Variants in APBB2 observed in about 807,000 individuals in gnomAD.
APBB2 encodes Fe65-like 1.
APBB2 carries 38 observed loss-of-function variants against 82.5 expected under a neutral mutation model. That is an observed-to-expected ratio of 0.46 (90% CI 0.36 to 0.60). The LOEUF is 0.60. Among genes scored for constraint, APBB2 ranks in the 20% least tolerant of loss-of-function variants. The pLI, the probability that APBB2 is intolerant of heterozygous loss-of-function variation, is 0.00. For synonymous variants in APBB2, 341 were observed against 368.2 expected (o/e 0.93, Z 0.85); for missense variants, 772 against 972.3 (o/e 0.79, Z 2.74).
intron 6 of APBB2, among the ~76,000 whole-genome samples, chr4:40,961,844 A>AAAATGCAGAC (rs1322217420): frequency 3.3e-5 from 5 of 152,180 alleles, no homozygotes; most frequent in Non-Finnish European, 7.3e-5. Context: ...AGTATTGTCA[A>AAAATGCAGAC]AAATGCAGAC....
intron 12 of APBB2, chr4:40,848,956 A>G: frequency 4.1e-6 from 4 of 975,592 alleles, no homozygotes; most frequent in Non-Finnish European, 4.9e-6. Context: ...AGTAAAGCTC[A>G]TGCGAGCAAG....
In APBB2 at chr4:40,890,296, T is replaced by C. The variant is rs180897513; in HGVS notation, c.1529+68A>G. 31 of 1,545,010 alleles carry C rather than the reference T, an allele frequency of 2.0e-5. No homozygotes were observed. The Admixed American group carries it at 4.7e-4, about 24-fold the overall frequency. On this transcript the variant is annotated intron_variant, in intron 12 of 17. Transcript: ENST00000508593. ...TATTCCGTGAAATGCTGCGAGCCCATGCTTTGGTGTTCAGCTAGACCAGGG... is the reference window on the plus strand; with the variant it reads ...TATTCCGTGAAATGCTGCGAGCCCACGCTTTGGTGTTCAGCTAGACCAGGG...
chr4:41,049,539 C>A (rs191149664), intron 4 of APBB2, among the ~76,000 whole-genome samples: 6 of 147,646 alleles, frequency 4.1e-5, no homozygotes, highest in African/African-American at 1.6e-4. Flanking sequence ...CCAGCCGCCC[C>A]GTCCGGGAGG....
intron 2 of APBB2, among the ~76,000 whole-genome samples, chr4:41,105,660 A>G (rs12233762): frequency 0.022 from 3,394 of 152,234 alleles, 112 homozygotes; most frequent in African/African-American, 0.072. Context: ...CAAGGCGGGC[A>G]GATCACAAGG....
intron 12 of APBB2, among the ~76,000 whole-genome samples, chr4:40,883,360 G>T (rs1039633074): frequency 3.3e-5 from 5 of 152,108 alleles, no homozygotes; most frequent in African/African-American, 1.2e-4. Context: ...GCCGAGGAGG[G>T]CAGATCACCT....
intron 6 of APBB2, among the ~76,000 whole-genome samples, chr4:40,999,193 T>A (rs1206253934): frequency 6.6e-6 from 1 of 152,162 alleles, no homozygotes; most frequent in Admixed American, 6.5e-5. Flanking sequence ...TGTATCCCAG[T>A]ACTCTGGGAG....
rs373594573 is a variant in APBB2, at chr4:40,857,086, C to T, written c.1530-26509G>A. The T allele has an allele frequency of 5.1e-6, 5 of 985,528 alleles. No homozygotes were observed. In the African/African-American group the frequency reaches 8.7e-5, roughly 17 times the overall value. The allele number at this position is 985,528 out of a possible 1,614,324, so 61.0% of individuals were successfully genotyped here. ...TGCCGCCCCAGGTGCTACGACAAGC[C>T]CCAGGGTGCCGGCACCAGCCAGCGG... On this transcript the variant is annotated intron_variant, in intron 12 of 17. Coordinates refer to ENST00000508593, the MANE Select transcript of APBB2 (RefSeq NM_004307.2).
At chr4:41,075,101 C>T (rs1243750675) in intron 3 of APBB2, among the ~76,000 whole-genome samples, 1 of 152,130 alleles carries the variant, frequency 6.6e-6, no homozygotes, top group African/African-American at 2.4e-5. Context: ...ACAATGCACT[C>T]CAGCCTGGGC....
intron 15 of APBB2, 101 bp from the exon 16 acceptor site, chr4:40,823,860 T>G (rs1748869248): frequency 4.2e-6 from 3 of 720,298 alleles, no homozygotes; most frequent in Non-Finnish European, 4.9e-6. Flanking sequence ...ACTGATCTTT[T>G]TTTAATAGAC....
At chr4:41,206,782 CA>C (rs1170775875) in intron 1 of APBB2, among the ~76,000 whole-genome samples, 1 of 152,178 alleles carries the variant, frequency 6.6e-6, no homozygotes, top group Non-Finnish European at 1.5e-5. Context: ...CTTCCACTGA[CA>C]AACAATACCA....
At chr4:40,944,226 T>C (rs1787766961) in intron 7 of APBB2, among the ~76,000 whole-genome samples, 2 of 152,274 alleles carry the variant, frequency 1.3e-5, no homozygotes, top group African/African-American at 4.8e-5. Flanking sequence ...AAAAGTTCAC[T>C]GTGGGGATCC....
intron 1 of APBB2, among the ~76,000 whole-genome samples, chr4:41,205,431 T>C (rs1187633892): frequency 1.3e-5 from 2 of 151,990 alleles, no homozygotes; most frequent in Non-Finnish European, 2.9e-5. Context: ...CTAAGGAAAA[T>C]CATAAATATA....
At chr4:40,867,091 C>A (rs1764218381) in intron 12 of APBB2, among the ~76,000 whole-genome samples, 2 of 152,096 alleles carry the variant, frequency 1.3e-5, no homozygotes, top group Admixed American at 6.5e-5. Context: ...AGTGTATCAC[C>A]ATTTTTGTAC....
intron 3 of APBB2, among the ~76,000 whole-genome samples, chr4:41,076,277 TGG>T (rs1383497297): frequency 6.6e-6 from 1 of 152,180 alleles, no homozygotes; most frequent in Non-Finnish European, 1.5e-5. Context: ...GAAGACAGGA[TGG>T]AGGCAGCACT....
intron 6 of APBB2, among the ~76,000 whole-genome samples, chr4:41,002,657 A>T (rs1805558727): frequency 3.9e-5 from 6 of 152,208 alleles, no homozygotes. Context: ...CAGCATTGTG[A>T]GATTTCTGAA....
At position 40,815,671 on chromosome 4, in the gene APBB2, C is replaced by G. The variant is rs1031412228; in HGVS notation, c.*421G>C. Reference sequence around the variant, plus strand: ...GCAGTGCCTACTCCAATGTTGAAAACAGGGCAAAGTGCTGTAGGACTTAAA... The same window carrying G: ...GCAGTGCCTACTCCAATGTTGAAAAGAGGGCAAAGTGCTGTAGGACTTAAA... On this transcript the variant is annotated 3_prime_UTR_variant, in exon 18 of 18. Coordinates refer to ENST00000508593, the MANE Select transcript of APBB2 (RefSeq NM_004307.2). 5.9e-6 allele frequency: 1 copy of G among 169,468 alleles called. No individual in the cohort carries two copies. Among genetic ancestry groups the G allele is most frequent in the Admixed American group, 5.6e-5 (1 of 17,766 alleles). The allele number at this position is 169,468 out of a possible 1,614,324, so 10.5% of individuals were successfully genotyped here.
At position 40,951,805 on chromosome 4, in the gene APBB2, G is replaced by T. The variant is rs552123521; in HGVS notation, c.836-6732C>A. Among the ~76,000 whole-genome samples the T allele has an allele frequency of 3.3e-5, 5 of 152,314 alleles. No individual in the cohort carries two copies. In the East Asian group the frequency reaches 9.6e-4, roughly 29 times the overall value. ...GAGGTCTCAAGAAGCCAATACTACA[G>T]CAGCACATTCGAGTCACTAAAGTCA... On this transcript the variant is annotated intron_variant, in intron 6 of 17. Coordinates refer to ENST00000508593, the MANE Select transcript of APBB2 (RefSeq NM_004307.2).
Position 40,864,374 on chromosome 4 carries a change from A to G in APBB2, c.1529+25990T>C, listed in dbSNP as rs558400289. 3.3e-5 allele frequency among the ~76,000 whole-genome samples: 5 copies of G among 152,310 alleles called. 1 individual carries two copies. The highest frequency in any genetic ancestry group is 1.2e-4 in the African/African-American group (5 of 41,568). ...GAAAGACCCCACTGCCCCACAAGAC[A>G]TCAGTCACAGCAGACGCTTAGCTTG... is the stretch of plus-strand genomic sequence containing the variant. On this transcript the variant is annotated intron_variant, in intron 12 of 17. Coordinates refer to ENST00000508593, the MANE Select transcript of APBB2 (RefSeq NM_004307.2).
intron 12 of APBB2, among the ~76,000 whole-genome samples, chr4:40,835,720 G>A (rs892464902): frequency 6.6e-6 from 1 of 152,222 alleles, no homozygotes; most frequent in African/African-American, 2.4e-5. Flanking sequence ...CATGTGATTT[G>A]TTTGGTGGGA....
Sources: allele counts gnomAD v4.1 joint callset (sites outside exome capture counted in the v4.1 genomes callset), GRCh38; gene constraint gnomAD v4.1.1; transcripts MANE v1.5; gene names NCBI Gene and HGNC (gene_info 2026-07-23, HGNC 2026-07-21).